The following PDZD9 variants were observed in gnomAD, a reference collection of about 807,000 sequenced individuals.
PDZD9 encodes PDZ domain-containing protein 9.
PDZD9 carries 13 observed loss-of-function variants against 16.3 expected under a neutral mutation model. That is an observed-to-expected ratio of 0.80 (90% CI 0.52 to 1.27). PDZD9 has a LOEUF of 1.27. PDZD9 is among the 50% of genes most tolerant of loss of function. PDZD9 has a pLI of 0.00. For missense variants in PDZD9, 288 were observed against 310.9 expected, an observed-to-expected ratio of 0.93 and a Z score of 0.55; for synonymous variants, 120 against 111.0, an observed-to-expected ratio of 1.08 and a Z score of -0.51.
At chr16:21,988,927 C>CTT in intron 2 of PDZD9, 136 bp from the exon 3 acceptor site, 1 of 598,306 alleles carries the variant, frequency 1.7e-6, no homozygotes, top group South Asian at 3.2e-5. Context: ...CAGGCTTCAG[C>CTT]CTTTTTTTTT....
the PDZD9 span, chr16:21,971,913 C>G: frequency 6.2e-7 from 1 of 1,613,530 alleles, no homozygotes; most frequent in Non-Finnish European, 8.5e-7. Context: ...TATCCTTAAT[C>G]TGGCCCCAGG....
chr16:21,970,145 C>G, the PDZD9 span, among the ~76,000 whole-genome samples: 2 of 152,186 alleles, frequency 1.3e-5, no homozygotes, highest in African/African-American at 4.8e-5. Context: ...TGTGTCAATT[C>G]AATGTCTTAT....
At chr16:21,998,871 A>G (rs1417224162) in intron 1 of PDZD9, 4 of 192,980 alleles carry the variant, frequency 2.1e-5, no homozygotes, top group Non-Finnish European at 4.8e-5. Context: ...AATACATGCA[A>G]TCTCCTGTCT....
the PDZD9 span, among the ~76,000 whole-genome samples, chr16:21,965,222 T>C: frequency 6.6e-6 from 1 of 152,334 alleles, no homozygotes; most frequent in East Asian, 1.9e-4. Flanking sequence ...TATTTTTTTC[T>C]CAGCACATTC....
chr16:21,984,400 G>A lies in PDZD9; in HGVS notation c.662C>T (p.Pro221Leu). The A allele has an allele frequency of 6.2e-7, 1 of 1,614,138 alleles. No homozygotes were observed. Among genetic ancestry groups the A allele is most frequent in the African/African-American group, 1.3e-5 (1 of 75,040 alleles). ...DDKKEVRAPSPYWIMVKQDNE... is the reference protein window; with the variant it reads ...DDKKEVRAPSLYWIMVKQDNE... ...GTCTTGCTTCACCATTATCCAGTATGGAGAAGGGGCCCTCACTTCTTTCTT... is the reference window on the plus strand; with the variant it reads ...GTCTTGCTTCACCATTATCCAGTATAGAGAAGGGGCCCTCACTTCTTTCTT... The change falls in exon 4 of 4, where the codon CCA (proline) becomes CTA (leucine). Residue 221 changes from proline (P) to leucine (L), a missense_variant. Coordinates refer to ENST00000424898, the MANE Select transcript of PDZD9 (RefSeq NM_001363519.1).
the PDZD9 span, chr16:21,973,869 A>T: frequency 6.2e-7 from 1 of 1,605,450 alleles, no homozygotes; most frequent in Non-Finnish European, 8.5e-7. Context: ...GTAGAATATC[A>T]TACAGTAAAG....
intron 2 of PDZD9, among the ~76,000 whole-genome samples, chr16:21,991,538 A>T (rs981065236): frequency 6.6e-6 from 1 of 152,164 alleles, no homozygotes; most frequent in African/African-American, 2.4e-5. Context: ...CCCGGCCTAC[A>T]TTAATTTCTC....
downstream of PDZD9, chr16:21,983,148 A>ACC: frequency 6.2e-7 from 1 of 1,614,134 alleles, no homozygotes; most frequent in South Asian, 1.1e-5. Context: ...TTTGGGACAT[A>ACC]CACCTTTTGT....
the PDZD9 span, chr16:21,972,257 T>C: frequency 8.6e-7 from 1 of 1,165,052 alleles, no homozygotes; most frequent in Non-Finnish European, 1.2e-6. Context: ...ATAGCCAGGC[T>C]TGATTTTAGT....
At chr16:21,999,331 T>TGGAAAAGGGTGAGCTC in intron 1 of PDZD9, 1 of 217,868 alleles carries the variant, frequency 4.6e-6, no homozygotes, top group Non-Finnish European at 1.0e-5. Context: ...GCTTCCTCCC[T>TGGAAAAGGGTGAGCTC]GGAAAAGGGT....
At chr16:21,971,807 C>G in the PDZD9 span, 2 of 1,448,402 alleles carry the variant, frequency 1.4e-6, no homozygotes, top group Non-Finnish European at 1.9e-6. Context: ...ATGGGGAAAG[C>G]ACCGAGCTGC....
chr16:21,968,537 T>C, the PDZD9 span: 3 of 1,177,686 alleles, frequency 2.5e-6, no homozygotes, highest in Admixed American at 4.6e-5. Context: ...GCCTTATAAG[T>C]ATTTATTTTC....
chr16:21,988,706 A>C lies in PDZD9; in HGVS notation c.297T>G (p.Ile99Met). The C allele has an allele frequency of 6.2e-7, 1 of 1,613,126 alleles. No homozygotes were observed. Among genetic ancestry groups the C allele is most frequent in the Non-Finnish European group, 8.5e-7 (1 of 1,179,186 alleles). The change falls in exon 3 of 4, where the codon ATT (isoleucine) becomes ATG (methionine). Residue 99 changes from isoleucine (I) to methionine (M), a missense_variant. Ile to Met is a conservative substitution (Grantham distance 10, BLOSUM62 1). Coordinates refer to ENST00000424898, the MANE Select transcript of PDZD9 (RefSeq NM_001363519.1). ...AAACCTTGATTTGTAGCACTGTTCC[A>C]ATAGTGATATGTTGCAAAAGCTGTA... is the stretch of plus-strand genomic sequence containing the variant. ...EFLQLLQHIT[I>M]GTVLQIKVYR...
At chr16:21,977,355 TA>T in the PDZD9 span, among the ~76,000 whole-genome samples, 285 of 145,272 alleles carry the variant, frequency 2.0e-3, no homozygotes, top group African/African-American at 3.1e-3. Context: ...CCCTGTCTCT[TA>T]AAAAAAAAAA....
Position 21,984,256 on chromosome 16 carries a change from CCA to C in PDZD9, c.*9_*10del, listed in dbSNP as rs759353396. ...GTCTGCAAGATAAATGCTCATATGACCACAGATTTGCTAACCAACCTTTGATA... is the reference window on the plus strand; with the variant it reads ...GTCTGCAAGATAAATGCTCATATGACCAGATTTGCTAACCAACCTTTGATA... On this transcript the variant is annotated 3_prime_UTR_variant, in exon 4 of 4. Coordinates refer to ENST00000424898, the MANE Select transcript of PDZD9 (RefSeq NM_001363519.1). 4.0e-4 allele frequency: 635 copies of C among 1,599,776 alleles called. 1 individual carries two copies. Among genetic ancestry groups the C allele is most frequent in the Non-Finnish European group, 3.6e-4 (424 of 1,171,432 alleles).
downstream of PDZD9, chr16:21,980,446 C>T: frequency 8.0e-7 from 1 of 1,244,928 alleles, no homozygotes; most frequent in East Asian, 2.3e-5. Flanking sequence ...TTACTCTATC[C>T]ATTAAATAAA....
intron 3 of PDZD9, among the ~76,000 whole-genome samples, chr16:21,986,311 G>T (rs1453603245): frequency 1.3e-5 from 2 of 152,186 alleles, no homozygotes; most frequent in East Asian, 3.8e-4. Context: ...GCTTGGTATT[G>T]TTTGTGGGTT....
intron 3 of PDZD9, among the ~76,000 whole-genome samples, chr16:21,987,261 A>T (rs1898898861): frequency 6.6e-6 from 1 of 152,156 alleles, no homozygotes; most frequent in Admixed American, 6.5e-5. Flanking sequence ...CTCTATTAAA[A>T]ATACAAAAAT....
intron 1 of PDZD9, chr16:21,999,248 AG>A: frequency 4.6e-6 from 1 of 215,396 alleles, no homozygotes; most frequent in Middle Eastern, 1.4e-3. Flanking sequence ...GCTAGGGCCC[AG>A]TGGCAGGGAC....
Sources: allele counts gnomAD v4.1 joint callset (sites outside exome capture counted in the v4.1 genomes callset), GRCh38; gene constraint gnomAD v4.1.1; transcripts MANE v1.5; gene names NCBI Gene and HGNC (gene_info 2026-07-23, HGNC 2026-07-21).